Variants in UBAC2 observed in about 807,000 individuals in gnomAD.
UBAC2 encodes ubiquitin-associated domain-containing protein 2.
In UBAC2, 26 loss-of-function variants were observed where a neutral mutation model predicts 44.0. The ratio of observed to expected loss-of-function variants is 0.59; its 90% CI spans 0.43 to 0.82. The LOEUF (loss-of-function observed/expected upper bound fraction) is 0.82, where lower values mean the gene tolerates loss of function less well. Among genes scored for constraint, UBAC2 ranks in the 40% least tolerant of loss-of-function variants. The probability of loss-of-function intolerance (pLI) is 0.00; values close to 1 mark genes in which losing one functional copy is unlikely to be tolerated. For missense variants in UBAC2, 329 were observed against 419.4 expected (o/e 0.78, Z 1.88); for synonymous variants, 155 against 154.3 (o/e 1.00, Z -0.04).
chr13:99,203,146 C>G (rs1284993053), intron 1 of UBAC2, among the ~76,000 whole-genome samples: 1 of 152,078 alleles, frequency 6.6e-6, no homozygotes, highest in Non-Finnish European at 1.5e-5. Flanking sequence ...AAGCGATTCT[C>G]CCGCCTCAGC....
intron 4 of UBAC2, among the ~76,000 whole-genome samples, chr13:99,256,686 T>TATAC (rs963776119): frequency 7.0e-6 from 1 of 142,998 alleles, no homozygotes; most frequent in African/African-American, 2.6e-5. Context: ...GATGTGTATG[T>TATAC]AGAAACTTAT....
intron 7 of UBAC2, among the ~76,000 whole-genome samples, chr13:99,362,145 C>T (rs2045273832): frequency 6.6e-6 from 1 of 151,990 alleles, no homozygotes; most frequent in Non-Finnish European, 1.5e-5. Context: ...GTTGTATATG[C>T]ATATTCTTGT....
chr13:99,229,354 G>C (rs542360913), intron 1 of UBAC2, among the ~76,000 whole-genome samples: 1 of 152,322 alleles, frequency 6.6e-6, no homozygotes, highest in Non-Finnish European at 1.5e-5. Context: ...ATGATATTTG[G>C]GGATTTAAGT....
At chr13:99,339,682 T>C (rs2044854397) in intron 6 of UBAC2, among the ~76,000 whole-genome samples, 2 of 152,120 alleles carry the variant, frequency 1.3e-5, no homozygotes, top group South Asian at 4.1e-4. Flanking sequence ...CATTTTTAAC[T>C]AGAAAATCAT....
At chr13:99,227,259 C>G (rs2043121444) in intron 1 of UBAC2, among the ~76,000 whole-genome samples, 1 of 152,012 alleles carries the variant, frequency 6.6e-6, no homozygotes, top group African/African-American at 2.4e-5. Context: ...GCTGCAGTAG[C>G]AAACAACTCT....
intron 2 of UBAC2, among the ~76,000 whole-genome samples, chr13:99,242,705 C>T (rs12866783): frequency 1.1e-3 from 97 of 86,402 alleles, no homozygotes; most frequent in African/African-American, 3.6e-3. Context: ...CCTCCCTCCC[C>T]GACGGGGCGG....
intron 1 of UBAC2, among the ~76,000 whole-genome samples, chr13:99,235,085 A>C (rs576681972): frequency 6.6e-6 from 1 of 152,276 alleles, no homozygotes; most frequent in South Asian, 2.1e-4. Context: ...AGGTCACACT[A>C]GTCTCTCCTG....
intron 8 of UBAC2, among the ~76,000 whole-genome samples, chr13:99,373,039 T>A (rs1251587323): frequency 6.6e-6 from 1 of 152,084 alleles, no homozygotes; most frequent in Non-Finnish European, 1.5e-5. Context: ...GAGAATGGTG[T>A]GAACCCGAGA....
At chr13:99,285,755 G>A (rs1388124607) in intron 4 of UBAC2, among the ~76,000 whole-genome samples, 1 of 152,136 alleles carries the variant, frequency 6.6e-6, no homozygotes, top group Non-Finnish European at 1.5e-5. Flanking sequence ...AGGTTGGAAA[G>A]CTGAATGCTC....
At chr13:99,205,036 A>T (rs894000505) in intron 1 of UBAC2, among the ~76,000 whole-genome samples, 3 of 150,486 alleles carry the variant, frequency 2.0e-5, no homozygotes, top group Non-Finnish European at 2.9e-5. Flanking sequence ...CCTGAGTAGC[A>T]GGGACTATAG....
At chr13:99,261,484 T>C (rs1594063772) in intron 4 of UBAC2, among the ~76,000 whole-genome samples, 2 of 152,366 alleles carry the variant, frequency 1.3e-5, no homozygotes, top group Non-Finnish European at 2.9e-5. Context: ...TATAATCTTC[T>C]AACCCAGTTA....
chr13:99,309,143 T>C (rs1179556825), intron 4 of UBAC2, among the ~76,000 whole-genome samples: 1 of 151,906 alleles, frequency 6.6e-6, no homozygotes, highest in African/African-American at 2.4e-5. Context: ...AGACAGAGTC[T>C]CGCTCTCACC....
intron 6 of UBAC2, among the ~76,000 whole-genome samples, chr13:99,335,079 C>T (rs956546569): frequency 3.3e-5 from 5 of 152,168 alleles, no homozygotes; most frequent in African/African-American, 1.2e-4. Flanking sequence ...TGCCTAATAA[C>T]AGCGTCCACA....
intron 1 of UBAC2, among the ~76,000 whole-genome samples, chr13:99,212,188 T>G (rs2042943849): frequency 6.6e-6 from 1 of 152,210 alleles, no homozygotes; most frequent in African/African-American, 2.4e-5. Context: ...CATCAAGCAA[T>G]TTTAAAATTG....
At chr13:99,318,280 G>C (rs557001856) in intron 6 of UBAC2, among the ~76,000 whole-genome samples, 1 of 152,002 alleles carries the variant, frequency 6.6e-6, no homozygotes, top group East Asian at 2.0e-4. Context: ...TGATTCTCCT[G>C]CCTTAGCCTC....
Position 99,232,059 on chromosome 13 carries a change from A to G in UBAC2, c.32-6368A>G, listed in dbSNP as rs983673702. Among the ~76,000 whole-genome samples the G allele has an allele frequency of 2.6e-5, 4 of 152,286 alleles. No individual in the cohort carries two copies. The East Asian group carries it at 7.7e-4, about 29-fold the overall frequency. ...GTGTGTATTTTTGTACCATGTCTAC[A>G]TGTGTATTTATATAGGTTAATGTGT... is the stretch of plus-strand genomic sequence containing the variant. On this transcript the variant is annotated intron_variant, in intron 1 of 8. Coordinates refer to ENST00000403766, the MANE Select transcript of UBAC2 (RefSeq NM_001144072.2).
rs1159417627 is a variant in UBAC2, at chr13:99,340,359, C to T, written c.601C>T (p.His201Tyr). ...CTACGACAGCAAAATGTTCCAGGTGCATCAGGTGCTCTGCATCCCCAGCTG... is the reference window on the plus strand; with the variant it reads ...CTACGACAGCAAAATGTTCCAGGTGTATCAGGTGCTCTGCATCCCCAGCTG... ...LCYDSKMFQV[H>Y]QVLCIPSWMA... The change falls in exon 7 of 9, where the codon CAT becomes TAT. Residue 201 changes from histidine (H) to tyrosine (Y), a missense_variant. By Grantham distance (83) the His-to-Tyr change is moderately conservative. Transcript: ENST00000403766. 6.2e-7 allele frequency: 1 copy of T among 1,614,162 alleles called. No individual in the cohort carries two copies. Among genetic ancestry groups the T allele is most frequent in the Admixed American group, 1.7e-5 (1 of 60,022 alleles).
chr13:99,283,139 G>A (rs879372182), intron 4 of UBAC2, among the ~76,000 whole-genome samples: 1 of 152,154 alleles, frequency 6.6e-6, no homozygotes, highest in African/African-American at 2.4e-5. Flanking sequence ...ACACTTTACA[G>A]TTCTCTCTCC....
chr13:99,351,900 G>GAC (rs1213351928), intron 7 of UBAC2: 3 of 387,018 alleles, frequency 7.8e-6, no homozygotes, highest in Non-Finnish European at 1.6e-5. Flanking sequence ...AGAAGCTACT[G>GAC]ACACCCAGAG....
Sources: allele counts gnomAD v4.1 joint callset (sites outside exome capture counted in the v4.1 genomes callset), GRCh38; gene constraint gnomAD v4.1.1; transcripts MANE v1.5; gene names NCBI Gene and HGNC (gene_info 2026-07-23, HGNC 2026-07-21).